Variants in TMEM182 observed in about 807,000 individuals in gnomAD.
The protein encoded by TMEM182 is transmembrane protein 182.
A neutral mutation model predicts 26.8 loss-of-function variants in TMEM182; 20 were observed. That is an observed-to-expected ratio of 0.75 (90% CI 0.53 to 1.09). The LOEUF (loss-of-function observed/expected upper bound fraction) is 1.09. Ranked by LOEUF, TMEM182 falls within the 50% of genes least tolerant of loss-of-function variation. The probability of loss-of-function intolerance (pLI) is 0.00; values close to 1 mark genes in which losing one functional copy is unlikely to be tolerated. For missense variants in TMEM182, 277 were observed against 275.5 expected (o/e 1.01, Z -0.04); for synonymous variants, 109 against 102.2 (o/e 1.07, Z -0.40).
In TMEM182 at chr2:102,816,414, C is replaced by T; in HGVS notation, c.*1446C>T. ...GGTGATCCCAGTCTTCTCTGTACAT[C>T]TTGTGCTTTTCCATTAAGACTTGTT... On this transcript the variant is annotated 3_prime_UTR_variant, in exon 5 of 5. Transcript: ENST00000412401. 1 of 985,134 alleles carries T rather than the reference C, an allele frequency of 1.0e-6. No homozygotes were observed. Among genetic ancestry groups the T allele is most frequent in the Non-Finnish European group, 1.2e-6 (1 of 829,910 alleles). 61.0% of individuals were successfully genotyped at this position (985,134 alleles called of 1,614,324 possible).
chr2:102,758,469 C>A (rs1028117920), upstream of TMEM182: 35 of 716,960 alleles, frequency 4.9e-5, no homozygotes, highest in African/African-American at 5.8e-4. Flanking sequence ...TTTACCTCCT[C>A]CATGGTAAGC....
At chr2:102,836,465 G>A (rs947347001) in intron 3 of TMEM182, among the ~76,000 whole-genome samples, 1 of 152,126 alleles carries the variant, frequency 6.6e-6, no homozygotes, top group Admixed American at 6.5e-5. Context: ...TTGCTGAAGT[G>A]TTTTAAGTGC....
intron 3 of TMEM182, among the ~76,000 whole-genome samples, chr2:102,766,154 C>T (rs935935077): frequency 2.6e-5 from 4 of 152,094 alleles, no homozygotes; most frequent in African/African-American, 9.7e-5. Flanking sequence ...ATTGTAGGCA[C>T]TGTATATTTA....
chr2:102,780,766 G>A (rs2104695932), intron 3 of TMEM182, among the ~76,000 whole-genome samples: 1 of 152,294 alleles, frequency 6.6e-6, no homozygotes, highest in South Asian at 2.1e-4. Context: ...GGAGGAGAAA[G>A]TGTACACTCT....
chr2:102,826,099 T>C (rs543825132), intron 3 of TMEM182, among the ~76,000 whole-genome samples: 40 of 152,298 alleles, frequency 2.6e-4, no homozygotes, highest in African/African-American at 9.4e-4. Flanking sequence ...GTGCTTGGGC[T>C]TGAACCATTA....
chr2:102,762,117 T>A lies in TMEM182; in HGVS notation c.-101T>A. 1 of 1,041,330 alleles carries A rather than the reference T, an allele frequency of 9.6e-7. No individual in the cohort carries two copies. The allele number at this position is 1,041,330 out of a possible 1,614,324, so 64.5% of individuals were successfully genotyped here. A position where few individuals can be genotyped will look rare whatever the true frequency, so the allele number is the denominator to read the frequency against. On this transcript the variant is annotated 5_prime_UTR_variant, in exon 1 of 5. Transcript: ENST00000412401. ...AGAAGATTCTGCCAACTCAAAAATATTATTCTTTTTTTTTTTTTTTTGCTG... is the reference window on the plus strand; with the variant it reads ...AGAAGATTCTGCCAACTCAAAAATAATATTCTTTTTTTTTTTTTTTTGCTG...
chr2:102,797,321 T>C (rs1681910902), intron 3 of TMEM182, among the ~76,000 whole-genome samples: 1 of 152,214 alleles, frequency 6.6e-6, no homozygotes, highest in Non-Finnish European at 1.5e-5. Flanking sequence ...CTGTTTTCTA[T>C]AGAGCCAACA....
intron 1 of TMEM182, among the ~76,000 whole-genome samples, chr2:102,745,869 G>T (rs1026364287): frequency 2.6e-5 from 4 of 152,162 alleles, no homozygotes; most frequent in African/African-American, 9.6e-5. Flanking sequence ...TGGGCATTGG[G>T]ATTGGTTCTA....
upstream of TMEM182, among the ~76,000 whole-genome samples, chr2:102,759,014 T>C (rs1201974767): frequency 6.6e-6 from 1 of 152,146 alleles, no homozygotes; most frequent in East Asian, 1.9e-4. Flanking sequence ...ATATTTTTCA[T>C]AAACCAAAAA....
intron 3 of TMEM182, among the ~76,000 whole-genome samples, chr2:102,786,944 A>T (rs1681420681): frequency 6.6e-6 from 1 of 152,342 alleles, no homozygotes; most frequent in Admixed American, 6.5e-5. Context: ...GCTGACCTTC[A>T]TCCCAATCAT....
intron 3 of TMEM182, among the ~76,000 whole-genome samples, chr2:102,835,699 T>A (rs114779958): frequency 0.011 from 1,682 of 152,214 alleles, 43 homozygotes; most frequent in African/African-American, 0.038. Context: ...TTTATTTAAT[T>A]TATTTTATTT....
intron 4 of TMEM182, among the ~76,000 whole-genome samples, chr2:102,806,632 A>G (rs925186621): frequency 2.0e-5 from 3 of 152,192 alleles, no homozygotes; most frequent in African/African-American, 4.8e-5. Flanking sequence ...ACATTTGCTA[A>G]CCATTAGCAG....
chr2:102,835,895 T>G (rs1315262073), intron 3 of TMEM182, among the ~76,000 whole-genome samples: 3 of 141,270 alleles, frequency 2.1e-5, no homozygotes, highest in African/African-American at 7.8e-5. Context: ...CCCCTTCCTG[T>G]GTCCATGTGT....
chr2:102,803,371 T>C (rs775932458), intron 4 of TMEM182, among the ~76,000 whole-genome samples: 1 of 152,150 alleles, frequency 6.6e-6, no homozygotes, highest in Non-Finnish European at 1.5e-5. Flanking sequence ...CTGGAGGCAG[T>C]GCTTTCTGTA....
At chr2:102,824,225 T>C (rs1486653774) in intron 3 of TMEM182, among the ~76,000 whole-genome samples, 1 of 152,230 alleles carries the variant, frequency 6.6e-6, no homozygotes, top group East Asian at 1.9e-4. Context: ...TGCTGATAGA[T>C]ACTGCGGTTT....
intron 3 of TMEM182, among the ~76,000 whole-genome samples, chr2:102,825,347 A>G (rs566879825): frequency 6.6e-6 from 1 of 152,368 alleles, no homozygotes; most frequent in Admixed American, 6.5e-5. Flanking sequence ...AGTGGTGTTA[A>G]TAGTTCTAAT....
At chr2:102,759,464 G>C (rs999956246), upstream of TMEM182, among the ~76,000 whole-genome samples, 1 of 152,062 alleles carries the variant, frequency 6.6e-6, no homozygotes, top group African/African-American at 2.4e-5. Flanking sequence ...ACTCCTCAAA[G>C]TCAGGGCCTA....
At chr2:102,768,523 T>TAA (rs748149757) in intron 3 of TMEM182, among the ~76,000 whole-genome samples, 15 of 116,078 alleles carry the variant, frequency 1.3e-4, no homozygotes, top group African/African-American at 3.1e-4. Flanking sequence ...CTATCTGTAC[T>TAA]AAAAAAAAAA....
chr2:102,835,943 C>A (rs991772209), intron 3 of TMEM182, among the ~76,000 whole-genome samples: 2 of 147,638 alleles, frequency 1.4e-5, no homozygotes, highest in Admixed American at 1.4e-4. Context: ...TGAGAACATG[C>A]GGTGTTTGGT....
Sources: gnomAD v4.1 joint callset for allele counts (sites outside exome capture counted in the v4.1 genomes callset) on GRCh38, gnomAD v4.1.1 for gene constraint, MANE v1.5 for transcripts, NCBI Gene and HGNC (gene_info 2026-07-23, HGNC 2026-07-21) for gene names.